Variants in PTPRC observed in about 807,000 individuals in gnomAD.
PTPRC encodes the protein receptor-type tyrosine-protein phosphatase C.
PTPRC carries 44 observed loss-of-function variants against 155.9 expected under a neutral mutation model. The ratio of observed to expected loss-of-function variants is 0.28; its 90% CI spans 0.22 to 0.36. The LOEUF is 0.36. PTPRC is among the 10% of genes least tolerant of loss of function. The probability of loss-of-function intolerance (pLI) is 1.00; values close to 1 mark genes in which losing one functional copy is unlikely to be tolerated. For synonymous variants in PTPRC, 525 were observed against 533.1 expected (o/e 0.98, Z 0.21); for missense variants, 1,401 against 1,564.6 (o/e 0.90, Z 1.76).
chr1:198,691,468 A>G (rs539718888), intron 2 of PTPRC, among the ~76,000 whole-genome samples: 1 of 151,558 alleles, frequency 6.6e-6, no homozygotes, highest in South Asian at 2.1e-4. Context: ...TTTTCCCCCA[A>G]CCTTTCTTTT....
chr1:198,743,397 G>C (rs1655002553), intron 25 of PTPRC, among the ~76,000 whole-genome samples: 1 of 151,690 alleles, frequency 6.6e-6, no homozygotes, highest in East Asian at 1.9e-4. Flanking sequence ...TTGTTAACCA[G>C]GTAAAAAGAA....
chr1:198,639,769 G>GCCACC (rs1380490925), intron 2 of PTPRC, among the ~76,000 whole-genome samples: 1 of 151,942 alleles, frequency 6.6e-6, no homozygotes, highest in African/African-American at 2.4e-5. Context: ...TTGTATGTAA[G>GCCACC]CCACTCCCTC....
intron 2 of PTPRC, among the ~76,000 whole-genome samples, chr1:198,641,882 A>G (rs1262279353): frequency 2.6e-5 from 4 of 152,070 alleles, no homozygotes; most frequent in Admixed American, 2.0e-4. Flanking sequence ...TTAAAAATAT[A>G]TATCTCATGT....
chr1:198,756,641 C>A lies in PTPRC; in HGVS notation c.*460C>A, dbSNP rs1655685772. 1 of 167,906 alleles carries A rather than the reference C, an allele frequency of 6.0e-6. No homozygotes were observed. Among genetic ancestry groups the A allele is most frequent in the Admixed American group, 5.8e-5 (1 of 17,306 alleles). 10.4% of individuals were successfully genotyped at this position (167,906 alleles called of 1,614,324 possible). On this transcript the variant is annotated 3_prime_UTR_variant, in exon 33 of 33. Coordinates refer to ENST00000442510, the MANE Select transcript of PTPRC (RefSeq NM_002838.5). Reference sequence around the variant, plus strand: ...AGACTCAATAAAATCATGTACATTTCTGAAATGACCTCAAGATGTCCTCCT... The same window carrying A: ...AGACTCAATAAAATCATGTACATTTATGAAATGACCTCAAGATGTCCTCCT...
intron 12 of PTPRC, among the ~76,000 whole-genome samples, chr1:198,714,796 A>T (rs1188855571): frequency 6.6e-6 from 1 of 152,218 alleles, no homozygotes; most frequent in East Asian, 1.9e-4. Context: ...TTAAAAATCC[A>T]CAGGAAGAAA....
rs775021859 is a variant in PTPRC, at chr1:198,756,230, C to CTAT, written c.*51_*53dup. ...CCAAACCTCCTGTTAGCTGTTATTT[C>CTAT]TATTTTTGTAGAAGTAGGAAGTGAA... On this transcript the variant is annotated 3_prime_UTR_variant, in exon 33 of 33. Transcript: ENST00000442510. The CTAT allele has an allele frequency of 9.3e-6, 15 of 1,606,226 alleles. No homozygotes were observed. The highest frequency in any genetic ancestry group is 2.7e-5 in the African/African-American group (2 of 74,792).
At chr1:198,652,630 TA>T (rs1281153528) in intron 2 of PTPRC, among the ~76,000 whole-genome samples, 1 of 151,502 alleles carries the variant, frequency 6.6e-6, no homozygotes, top group Non-Finnish European at 1.5e-5. Context: ...GCATTCCATC[TA>T]GGTAAAAGAG....
chr1:198,732,050 A>G (rs1383264446), intron 18 of PTPRC, among the ~76,000 whole-genome samples: 1 of 152,024 alleles, frequency 6.6e-6, no homozygotes, highest in Non-Finnish European at 1.5e-5. Flanking sequence ...ATAGTGACAC[A>G]ACAACTAATC....
intron 2 of PTPRC, among the ~76,000 whole-genome samples, chr1:198,682,286 C>CT (rs957841736): frequency 5.9e-5 from 9 of 152,148 alleles, no homozygotes; most frequent in Admixed American, 5.2e-4. Flanking sequence ...ATTTATCAGC[C>CT]TTTGCTTTTA....
At chr1:198,677,594 C>T (rs747952952) in intron 2 of PTPRC, among the ~76,000 whole-genome samples, 8 of 152,024 alleles carry the variant, frequency 5.3e-5, no homozygotes, top group Non-Finnish European at 1.0e-4. Flanking sequence ...AAGCATTCTT[C>T]CTCCCTGCTT....
At chr1:198,729,307 T>TAAGCAGAGATTGCAC in intron 17 of PTPRC, 136 bp downstream of exon 17, 1 of 1,126,224 alleles carries the variant, frequency 8.9e-7, no homozygotes, top group Non-Finnish European at 1.2e-6. Flanking sequence ...GGTGGTGCAA[T>TAAGCAGAGATTGCAC]CTCTGCTTAT....
chr1:198,645,883 AT>A (rs1662912307), intron 2 of PTPRC, among the ~76,000 whole-genome samples: 1 of 151,752 alleles, frequency 6.6e-6, no homozygotes, highest in Admixed American at 6.6e-5. Flanking sequence ...TAGTGTAAAA[AT>A]ATCCTGAAGT....
intron 3 of PTPRC, chr1:198,695,135 C>T: frequency 2.2e-6 from 2 of 894,994 alleles, no homozygotes; most frequent in Non-Finnish European, 2.7e-6. Flanking sequence ...TTAACTTTAG[C>T]TTTGATACTA....
In PTPRC at chr1:198,697,340, T is replaced by G. The variant is rs1666254246; in HGVS notation, c.298+431T>G. 1.3e-5 allele frequency among the ~76,000 whole-genome samples: 2 copies of G among 152,296 alleles called. 1 individual carries two copies. Among genetic ancestry groups the G allele is most frequent in the South Asian group, 4.1e-4 (2 of 4,826 alleles). ...ACTCTAGATTCTCTTTATCCAAAAA[T>G]TGTTGAAGATAGAGAATGTATTATT... is the stretch of plus-strand genomic sequence containing the variant. On this transcript the variant is annotated intron_variant, in intron 4 of 32. Coordinates refer to ENST00000442510, the MANE Select transcript of PTPRC (RefSeq NM_002838.5).
Position 198,756,266 on chromosome 1 carries a change from C to G in PTPRC, c.*85C>G. On this transcript the variant is annotated 3_prime_UTR_variant, in exon 33 of 33. Transcript: ENST00000442510. ...GAAGTAGGAAGTGAAAATAGGTATA[C>G]AGTGGATTAATTAAATGCAGCGAAC... The G allele has an allele frequency of 6.6e-7, 1 of 1,511,582 alleles. No individual in the cohort carries two copies. Among genetic ancestry groups the G allele is most frequent in the Non-Finnish European group, 9.1e-7 (1 of 1,101,786 alleles). 93.6% of individuals were successfully genotyped at this position (1,511,582 alleles called of 1,614,324 possible).
At position 198,699,620 on chromosome 1, in the gene PTPRC, T is replaced by A; in HGVS notation, c.355T>A (p.Ser119Thr). 1 of 1,614,174 alleles carries A rather than the reference T, an allele frequency of 6.2e-7. No homozygotes were observed. Among genetic ancestry groups the A allele is most frequent in the Non-Finnish European group, 8.5e-7 (1 of 1,180,022 alleles). ...LPTHADSQTP[S>T]AGTDTQTFSG... The stretch of plus-strand genomic sequence containing the variant: ...CACGCACGCAGACTCGCAGACGCCC[T>A]CTGCTGGAACTGACACGCAGACATT... The change falls in exon 5 of 33, where the codon TCT becomes ACT. Residue 119 changes from serine to threonine, a missense_variant. By Grantham distance (58) the Ser-to-Thr change is moderately conservative. Transcript: ENST00000442510.
chr1:198,754,439 G>T (rs766014669), intron 32 of PTPRC, 35 bp downstream of exon 32: 1 of 1,610,660 alleles, frequency 6.2e-7, no homozygotes, highest in Non-Finnish European at 8.5e-7. Context: ...TAACATGCTC[G>T]GAATTTTTTT....
chr1:198,690,608 G>A (rs547768678), intron 2 of PTPRC, among the ~76,000 whole-genome samples: 46 of 152,158 alleles, frequency 3.0e-4, no homozygotes, highest in African/African-American at 1.1e-3. Flanking sequence ...ATAAGCCAGG[G>A]AATGTCATTG....
At chr1:198,751,498 T>G (rs562788356) in intron 29 of PTPRC, among the ~76,000 whole-genome samples, 5 of 152,118 alleles carry the variant, frequency 3.3e-5, no homozygotes, top group Middle Eastern at 6.8e-3. Flanking sequence ...CCTCACCTGG[T>G]CCCCTTCCCC....
Sources: allele counts gnomAD v4.1 joint callset (sites outside exome capture counted in the v4.1 genomes callset), GRCh38; gene constraint gnomAD v4.1.1; transcripts MANE v1.5; gene names NCBI Gene and HGNC (gene_info 2026-07-23, HGNC 2026-07-21).